NR6A1: variants seen among roughly 807,000 people sequenced by gnomAD.
NR6A1 encodes retinoic acid receptor-related testis-associated receptor.
A neutral mutation model predicts 59.1 loss-of-function variants in NR6A1; 7 were observed. That is an observed-to-expected ratio of 0.12 (90% CI 0.07 to 0.22). The LOEUF is 0.22. Ranked by LOEUF, NR6A1 falls within the 10% of genes least tolerant of loss-of-function variation. NR6A1 has a pLI of 1.00. For synonymous variants in NR6A1, 243 were observed against 236.1 expected (o/e 1.03, Z -0.27); for missense variants, 468 against 611.6 (o/e 0.77, Z 2.48).
chr9:124,759,532 G>C (rs1480807847), intron 1 of NR6A1, among the ~76,000 whole-genome samples: 9 of 152,138 alleles, frequency 5.9e-5, no homozygotes, highest in Admixed American at 5.2e-4. Context: ...ACCAGCAAGG[G>C]ACTCTGAGAT....
At chr9:124,588,483 A>C (rs1051387377) in intron 2 of NR6A1, among the ~76,000 whole-genome samples, 1 of 150,572 alleles carries the variant, frequency 6.6e-6, no homozygotes, top group African/African-American at 2.4e-5. Context: ...AATTTTTTGT[A>C]TTTTTTAGTA....
rs1357872757 is a variant in NR6A1, at chr9:124,527,061, G to C, written c.1080-161C>G. Among the ~76,000 whole-genome samples, 5 of 152,228 alleles carry C rather than the reference G, an allele frequency of 3.3e-5. No individual in the cohort carries two copies. In the East Asian group the frequency reaches 9.6e-4, roughly 29 times the overall value. The stretch of plus-strand genomic sequence containing the variant: ...CAGGCAGATCCATGCTTTGTCTACA[G>C]GCCAACGTAGCTCATGCAAGCTGCT... On this transcript the variant is annotated intron_variant, in intron 7 of 9. Transcript: ENST00000487099.
At chr9:124,736,607 G>A (rs1479506906) in intron 1 of NR6A1, among the ~76,000 whole-genome samples, 1 of 152,176 alleles carries the variant, frequency 6.6e-6, no homozygotes. Flanking sequence ...ACTTTGGGAA[G>A]CCGAAGCAGG....
At chr9:124,533,807 T>G (rs1248503683) in intron 7 of NR6A1, among the ~76,000 whole-genome samples, 8 of 151,336 alleles carry the variant, frequency 5.3e-5, no homozygotes, top group African/African-American at 1.9e-4. Context: ...CCCGCCACCA[T>G]GCCCGGCTAA....
At chr9:124,759,472 A>G (rs1465212168) in intron 1 of NR6A1, among the ~76,000 whole-genome samples, 3 of 152,236 alleles carry the variant, frequency 2.0e-5, no homozygotes, top group Non-Finnish European at 4.4e-5. Flanking sequence ...TTCCTCAAGT[A>G]GCTGAAAAGC....
At chr9:124,671,786 C>T (rs375200310) in intron 2 of NR6A1, among the ~76,000 whole-genome samples, 3 of 152,290 alleles carry the variant, frequency 2.0e-5, no homozygotes, top group African/African-American at 7.2e-5. Flanking sequence ...CTTTTAAACC[C>T]AGTTGCTGTC....
At chr9:124,694,053 CAG>C (rs1234680851) in intron 2 of NR6A1, among the ~76,000 whole-genome samples, 3 of 152,138 alleles carry the variant, frequency 2.0e-5, no homozygotes, top group Non-Finnish European at 4.4e-5. Flanking sequence ...TCAGTACATT[CAG>C]AATTTCTAAA....
intron 2 of NR6A1, among the ~76,000 whole-genome samples, chr9:124,625,204 C>T (rs1416850949): frequency 6.6e-6 from 1 of 152,144 alleles, no homozygotes; most frequent in Admixed American, 6.5e-5. Context: ...AGCAAGTCTC[C>T]GAATCTGTCT....
chr9:124,721,908 T>C (rs953547864), intron 2 of NR6A1, among the ~76,000 whole-genome samples: 10 of 152,206 alleles, frequency 6.6e-5, no homozygotes, highest in African/African-American at 1.2e-4. Flanking sequence ...CACTAGGTAC[T>C]TTGGGGTGAG....
rs77655514 is a variant in NR6A1, at chr9:124,522,669, C to G, written c.*36G>C. The G allele has an allele frequency of 1.3e-6, 2 of 1,525,010 alleles. No homozygotes were observed. The highest frequency in any genetic ancestry group is 4.9e-5 in the East Asian group (2 of 40,764). The allele number at this position is 1,525,010 out of a possible 1,614,324, so 94.5% of individuals were successfully genotyped here. A position where few individuals can be genotyped will look rare whatever the true frequency, so the allele number is the denominator to read the frequency against. On this transcript the variant is annotated 3_prime_UTR_variant, in exon 10 of 10. Coordinates refer to ENST00000487099, the MANE Select transcript of NR6A1 (RefSeq NM_033334.4). ...CAGAGCCTGTCCTGCCCACCCAAGACGCTGTGGTTGGCCTGAGGAGGGCGC... is the reference window on the plus strand; with the variant it reads ...CAGAGCCTGTCCTGCCCACCCAAGAGGCTGTGGTTGGCCTGAGGAGGGCGC...
intron 2 of NR6A1, among the ~76,000 whole-genome samples, chr9:124,619,748 T>C (rs917717864): frequency 1.3e-5 from 2 of 152,152 alleles, no homozygotes; most frequent in Non-Finnish European, 2.9e-5. Flanking sequence ...CTTCAAAGGA[T>C]TATGATGAAA....
intron 2 of NR6A1, among the ~76,000 whole-genome samples, chr9:124,641,747 T>A (rs1836772244): frequency 1.3e-5 from 2 of 152,354 alleles, no homozygotes; most frequent in South Asian, 4.1e-4. Context: ...AGGAACTGAC[T>A]GCAGTGTCCT....
chr9:124,577,640 C>T (rs567888396), intron 2 of NR6A1, among the ~76,000 whole-genome samples: 2 of 152,218 alleles, frequency 1.3e-5, no homozygotes, highest in African/African-American at 2.4e-5. Flanking sequence ...TATACTACAG[C>T]TGCCTCTGCA....
intron 7 of NR6A1, among the ~76,000 whole-genome samples, chr9:124,532,229 C>T (rs1387261100): frequency 6.6e-6 from 1 of 152,196 alleles, no homozygotes; most frequent in Non-Finnish European, 1.5e-5. Context: ...ACATAGCAAC[C>T]ATCCAGGATC....
chr9:124,638,507 C>A (rs1417116059), intron 2 of NR6A1, among the ~76,000 whole-genome samples: 2 of 152,132 alleles, frequency 1.3e-5, no homozygotes, highest in Non-Finnish European at 2.9e-5. Context: ...AAGACAGGAA[C>A]AGAACAAGAT....
intron 2 of NR6A1, among the ~76,000 whole-genome samples, chr9:124,731,956 T>C (rs1340797326): frequency 6.6e-6 from 1 of 152,198 alleles, no homozygotes; most frequent in Non-Finnish European, 1.5e-5. Flanking sequence ...AACCGTACTA[T>C]ATACACCTAT....
At chr9:124,590,347 A>T (rs965942651) in intron 2 of NR6A1, among the ~76,000 whole-genome samples, 3 of 142,692 alleles carry the variant, frequency 2.1e-5, no homozygotes, top group Non-Finnish European at 4.5e-5. Flanking sequence ...AAAAGTAGTT[A>T]AAAAAAAAAC....
In NR6A1 at chr9:124,539,886, T is replaced by A. The variant is rs539464557; in HGVS notation, c.596+147A>T. Reference sequence around the variant, plus strand: ...GGGCTGGGAAACACTGTTTTTAATCTTCCTGACCCCTACTCCAAGAGTCTG... The same window carrying A: ...GGGCTGGGAAACACTGTTTTTAATCATCCTGACCCCTACTCCAAGAGTCTG... On this transcript the variant is annotated intron_variant, in intron 5 of 9. Transcript: ENST00000487099. The A allele has an allele frequency of 8.7e-4, 782 of 900,750 alleles. 14 individuals carry two copies. The South Asian group carries it at 0.015, about 18-fold the overall frequency. The allele number at this position is 900,750 out of a possible 1,614,324, so 55.8% of individuals were successfully genotyped here.
In NR6A1 at chr9:124,767,523, A is replaced by G. The variant is rs538382817; in HGVS notation, c.100+3497T>C. ...GAAGCTACAAAAAAAGAAAAAAAAAAAAAAAAGAAAAACCTGCGTGCTGTA... is the reference window on the plus strand; with the variant it reads ...GAAGCTACAAAAAAAGAAAAAAAAAGAAAAAAGAAAAACCTGCGTGCTGTA... On this transcript the variant is annotated intron_variant, in intron 1 of 9. Coordinates refer to ENST00000487099, the MANE Select transcript of NR6A1 (RefSeq NM_033334.4). 7.2e-5 allele frequency among the ~76,000 whole-genome samples: 11 copies of G among 152,156 alleles called. No homozygotes were observed. In the East Asian group the frequency reaches 9.6e-4, roughly 13 times the overall value.
Sources: gnomAD v4.1 joint callset for allele counts (sites outside exome capture counted in the v4.1 genomes callset) on GRCh38, gnomAD v4.1.1 for gene constraint, MANE v1.5 for transcripts, NCBI Gene and HGNC (gene_info 2026-07-23, HGNC 2026-07-21) for gene names.